Variants in PNKD observed in about 807,000 individuals in gnomAD.
PNKD encodes the protein probable thioesterase PNKD.
In PNKD, 36 loss-of-function variants were observed where a neutral mutation model predicts 45.3. The observed-to-expected ratio is 0.80, with a 90% CI of 0.61 to 1.05. The LOEUF is 1.05. Among genes scored for constraint, PNKD ranks in the 50% least tolerant of loss-of-function variants. The pLI is 0.00. For synonymous variants in PNKD, 197 were observed against 210.1 expected, an observed-to-expected ratio of 0.94 and a Z score of 0.54; for missense variants, 511 against 506.6, an observed-to-expected ratio of 1.01 and a Z score of -0.08.
At chr2:218,283,322 A>T (rs1692219780) in intron 2 of PNKD, among the ~76,000 whole-genome samples, 1 of 152,248 alleles carries the variant, frequency 6.6e-6, no homozygotes, top group Non-Finnish European at 1.5e-5. Context: ...TGGCATAACC[A>T]GGACGGAGGC....
rs560761908 is a variant in PNKD, at chr2:218,294,206, C to T, written c.236+22657C>T. Among the ~76,000 whole-genome samples the T allele has an allele frequency of 6.6e-5, 10 of 152,280 alleles. No homozygotes were observed. The South Asian group carries it at 1.4e-3, about 22-fold the overall frequency. Reference sequence around the variant, plus strand: ...TGTCTCCCCCTTGCTCAAGGAGTAGCGCCCTAGGTGAAATGCATGGCCCAT... The same window carrying T: ...TGTCTCCCCCTTGCTCAAGGAGTAGTGCCCTAGGTGAAATGCATGGCCCAT... On this transcript the variant is annotated intron_variant, in intron 2 of 9. Coordinates refer to ENST00000273077, the MANE Select transcript of PNKD (RefSeq NM_015488.5).
chr2:218,272,857 G>A (rs1690906164), intron 2 of PNKD: 5 of 1,605,388 alleles, frequency 3.1e-6, no homozygotes, highest in Admixed American at 3.4e-5. Context: ...GAGGGCGCAT[G>A]AAGCCCAGGC....
chr2:218,271,601 G>A lies in PNKD; in HGVS notation c.236+52G>A, dbSNP rs755331635. 5 of 1,523,602 alleles carry A rather than the reference G, an allele frequency of 3.3e-6. No homozygotes were observed. The African/African-American group carries it at 4.1e-5, about 13-fold the overall frequency. The allele number at this position is 1,523,602 out of a possible 1,614,324, so 94.4% of individuals were successfully genotyped here. On this transcript the variant is annotated intron_variant, in intron 2 of 9. Coordinates refer to ENST00000273077, the MANE Select transcript of PNKD (RefSeq NM_015488.5). ...CCAACGGGGCGTGGCTTGTAGGGGAGGGCAGGACTTAGAAACTTCTCCAAG... is the reference window on the plus strand; with the variant it reads ...CCAACGGGGCGTGGCTTGTAGGGGAAGGCAGGACTTAGAAACTTCTCCAAG...
intron 1 of PNKD, 60 bp from the exon 2 acceptor site, chr2:218,271,321 A>G (rs1351075599): frequency 6.2e-6 from 9 of 1,459,956 alleles, no homozygotes; most frequent in Non-Finnish European, 8.6e-6. Context: ...ACTGCCCCCC[A>G]CCTCCCCGCT....
chr2:218,339,666 T>A (rs1302881779), intron 2 of PNKD, 117 bp from the exon 3 acceptor site: 13 of 723,128 alleles, frequency 1.8e-5, no homozygotes, highest in Non-Finnish European at 3.0e-5. Context: ...AGAGTGGAAT[T>A]GCATTGGCTC....
Position 218,308,594 on chromosome 2 carries a change from CT to C in PNKD, c.237-31177del, listed in dbSNP as rs869071882. Among the ~76,000 whole-genome samples the C allele has an allele frequency of 4.8e-3, 709 of 146,362 alleles. 5 individuals are homozygous for C. The highest frequency in any genetic ancestry group is 0.012 in the African/African-American group (481 of 39,834). On this transcript the variant is annotated intron_variant, in intron 2 of 9. Coordinates refer to ENST00000273077, the MANE Select transcript of PNKD (RefSeq NM_015488.5). ...TTTTTCTCCACTACTTTCTTTCTTT[CT>C]TTTTTTTTTTTAGACGAGTATTGCT...
chr2:218,301,563 C>G (rs6758683), intron 2 of PNKD, among the ~76,000 whole-genome samples: 148,646 of 152,272 alleles, frequency 0.98, 72,625 homozygotes, highest in East Asian at 1. Flanking sequence ...CAGGCAGAAG[C>G]ATGGCTTGAG....
intron 2 of PNKD, among the ~76,000 whole-genome samples, chr2:218,295,210 T>C (rs191829468): frequency 1.2e-4 from 19 of 152,364 alleles, no homozygotes; most frequent in Admixed American, 3.9e-4. Flanking sequence ...ATGATGTTTT[T>C]TTCTCTTGGG....
At chr2:218,312,671 G>C (rs1177890604) in intron 2 of PNKD, among the ~76,000 whole-genome samples, 1 of 151,788 alleles carries the variant, frequency 6.6e-6, no homozygotes, top group Non-Finnish European at 1.5e-5. Flanking sequence ...TCAGAAGTTC[G>C]AGACCAGCCT....
intron 2 of PNKD, chr2:218,279,964 C>A: frequency 7.9e-7 from 1 of 1,258,160 alleles, no homozygotes; most frequent in South Asian, 1.2e-5. Flanking sequence ...GTGGCCTACC[C>A]ACTTCCCATT....
chr2:218,282,185 A>C, intron 2 of PNKD: 1 of 1,405,986 alleles, frequency 7.1e-7, no homozygotes. Flanking sequence ...CTGGGACCTG[A>C]AATGGGAGAG....
chr2:218,343,686 A>T, intron 8 of PNKD, 100 bp downstream of exon 8: 1 of 879,352 alleles, frequency 1.1e-6, no homozygotes, highest in Non-Finnish European at 1.9e-6. Context: ...AGGCCAGCCC[A>T]GTTCCTGGCC....
intron 2 of PNKD, among the ~76,000 whole-genome samples, chr2:218,306,175 A>G (rs1693397596): frequency 6.6e-6 from 1 of 152,184 alleles, no homozygotes; most frequent in Non-Finnish European, 1.5e-5. Context: ...ACACTAGAGA[A>G]CTGGGCTGAG....
chr2:218,279,375 T>A (rs1394046909), intron 2 of PNKD: 2 of 1,539,126 alleles, frequency 1.3e-6, no homozygotes, highest in Admixed American at 2.1e-5. Flanking sequence ...CGGCCGGGCA[T>A]GGGTCACCAT....
intron 2 of PNKD, among the ~76,000 whole-genome samples, chr2:218,325,031 G>A (rs1275938691): frequency 9.6e-5 from 9 of 93,960 alleles, no homozygotes; most frequent in Non-Finnish European, 1.3e-4. Context: ...TTTTTGAGAC[G>A]GAGTCTCGCT....
intron 1 of PNKD, chr2:218,271,066 G>T (rs1215782740): frequency 8.0e-6 from 4 of 500,406 alleles, no homozygotes; most frequent in Non-Finnish European, 1.4e-5. Context: ...CCTTTTCCCG[G>T]ATTTCCTTCA....
intron 2 of PNKD, among the ~76,000 whole-genome samples, chr2:218,315,038 T>TC (rs145811353): frequency 6.1e-5 from 3 of 49,468 alleles, no homozygotes; most frequent in African/African-American, 1.3e-4. Flanking sequence ...CTTTCTTTCT[T>TC]TTTCTTTCTT....
At chr2:218,325,309 G>A (rs1694120434) in intron 2 of PNKD, among the ~76,000 whole-genome samples, 1 of 143,774 alleles carries the variant, frequency 7.0e-6, no homozygotes, top group Admixed American at 7.3e-5. Context: ...CCGGGTTCAA[G>A]CAATTCTCCT....
intron 2 of PNKD, among the ~76,000 whole-genome samples, chr2:218,298,038 C>A (rs1693190243): frequency 6.6e-6 from 1 of 151,174 alleles, no homozygotes; most frequent in Non-Finnish European, 1.5e-5. Context: ...TACTGCATTT[C>A]TCTACCTCCT....
Sources: allele counts gnomAD v4.1 joint callset (sites outside exome capture counted in the v4.1 genomes callset), GRCh38; gene constraint gnomAD v4.1.1; transcripts MANE v1.5; gene names NCBI Gene and HGNC (gene_info 2026-07-23, HGNC 2026-07-21).